Variants in SH3BP4 observed in about 807,000 individuals in gnomAD.
The protein encoded by SH3BP4 is SH3 domain binding protein 4.
SH3BP4 carries 33 observed loss-of-function variants against 65.5 expected under a neutral mutation model. The ratio of observed to expected loss-of-function variants is 0.50; its 90% CI spans 0.38 to 0.67. The LOEUF (loss-of-function observed/expected upper bound fraction) is 0.67. Ranked by LOEUF, SH3BP4 falls within the 30% of genes least tolerant of loss-of-function variation. SH3BP4 has a pLI of 0.00. For synonymous variants in SH3BP4, 552 were observed against 545.5 expected (o/e 1.01, Z -0.17); for missense variants, 1,134 against 1,261.4 (o/e 0.90, Z 1.53).
At chr2:234,984,002 A>G (rs374279255) in intron 1 of SH3BP4, among the ~76,000 whole-genome samples, 112 of 152,342 alleles carry the variant, frequency 7.4e-4, no homozygotes, top group African/African-American at 2.6e-3. Flanking sequence ...AAAGTCACGC[A>G]GGGTTCTGCG....
chr2:235,041,026 A>T lies in SH3BP4; in HGVS notation c.257A>T (p.Asp86Val). The change falls in exon 4 of 6, where the codon GAC becomes GTC. Residue 86 changes from aspartate (D) to valine (V), a missense_variant. Physicochemically the swap from Asp to Val is radical, Grantham distance 152 (BLOSUM62 -3). Transcript: ENST00000392011. The surrounding 1 kb of genome is among the most constrained non-coding windows in gnomAD (Gnocchi z 6.0). ...AAGGGCGACCATCTCTACGTCTTGG[A>T]CACATCTGGCGGTGAGTGGTGGTAC... The part of the protein sequence containing the change: ...FSKGDHLYVL[D>V]TSGGEWWYAH... 1 of 1,614,144 alleles carries T rather than the reference A, an allele frequency of 6.2e-7. No individual in the cohort carries two copies. Among genetic ancestry groups the T allele is most frequent in the Non-Finnish European group, 8.5e-7 (1 of 1,180,030 alleles).
intron 2 of SH3BP4, among the ~76,000 whole-genome samples, chr2:235,025,140 A>C (rs1694959300): frequency 6.6e-6 from 1 of 152,166 alleles, no homozygotes; most frequent in Non-Finnish European, 1.5e-5. Flanking sequence ...GGGGGCTGAC[A>C]GCAGCCCATT....
rs58858657 is a variant in SH3BP4, at chr2:235,038,298, AT to A, written c.119-2588del. Among the ~76,000 whole-genome samples, 183 of 10,622 alleles carry A rather than the reference AT, an allele frequency of 0.017. 11 individuals are homozygous for A. The African/African-American group carries it at 0.2, about 11-fold the overall frequency. The allele number at this position is 10,622 out of a possible 152,430, so 7.0% of individuals were successfully genotyped here. A position where few individuals can be genotyped will look rare whatever the true frequency, so the allele number is the denominator to read the frequency against. On this transcript the variant is annotated intron_variant, in intron 3 of 5. Coordinates refer to ENST00000392011, the MANE Select transcript of SH3BP4 (RefSeq NM_014521.3). ...AATATATATTATATATAATATATAT[AT>A]TATATATATATATTATATATTATAT...
At chr2:235,023,489 G>A (rs1694904999) in intron 2 of SH3BP4, among the ~76,000 whole-genome samples, 1 of 152,172 alleles carries the variant, frequency 6.6e-6, no homozygotes, top group Admixed American at 6.5e-5. Flanking sequence ...GGGGGTTGCA[G>A]TGAGCCGAGA....
chr2:234,991,820 TCTCTC>T lies in SH3BP4; in HGVS notation c.-206-3479_-206-3475del, dbSNP rs1394088667. Among the ~76,000 whole-genome samples, 2 of 152,098 alleles carry T rather than the reference TCTCTC, an allele frequency of 1.3e-5. No individual in the cohort carries two copies. Among genetic ancestry groups the T allele is most frequent in the African/African-American group, 4.8e-5 (2 of 41,446 alleles). On this transcript the variant is annotated intron_variant, in intron 1 of 5. Transcript: ENST00000392011. The surrounding 1 kb of genome is among the most constrained non-coding windows in gnomAD (Gnocchi z 4.2). ...ACCTCCCGGACATGACAAGCCAGAT[TCTCTC>T]CTCCCTCCACTCCAGCACTGAGGGG...
intron 1 of SH3BP4, among the ~76,000 whole-genome samples, chr2:234,980,433 T>A (rs1417894974): frequency 6.6e-6 from 1 of 152,244 alleles, no homozygotes; most frequent in Non-Finnish European, 1.5e-5. Flanking sequence ...GGGACCACAG[T>A]TGGCCAGGGG....
intron 2 of SH3BP4, among the ~76,000 whole-genome samples, chr2:235,013,735 C>T (rs145721118): frequency 9.2e-5 from 14 of 152,254 alleles, no homozygotes; most frequent in African/African-American, 3.4e-4. Context: ...GGTTTGAGCG[C>T]ATTCCTAGTT....
intron 1 of SH3BP4, among the ~76,000 whole-genome samples, chr2:234,966,993 G>A (rs7580612): frequency 0.89 from 134,836 of 152,242 alleles, 60,228 homozygotes; most frequent in Non-Finnish European, 0.93. Flanking sequence ...CACATATATT[G>A]TGCTTATAGT....
chr2:235,016,935 G>A (rs1486290744), intron 2 of SH3BP4, among the ~76,000 whole-genome samples: 1 of 151,856 alleles, frequency 6.6e-6, no homozygotes, highest in Non-Finnish European at 1.5e-5. Flanking sequence ...CACTTCCCTT[G>A]AGAGCAAAAC....
chr2:235,053,185 T>C (rs1034504792), intron 5 of SH3BP4, among the ~76,000 whole-genome samples: 1 of 152,212 alleles, frequency 6.6e-6, no homozygotes, highest in Non-Finnish European at 1.5e-5. Flanking sequence ...TCTCGCATGT[T>C]TGTGGAGGGC....
At chr2:235,024,651 A>G (rs953726625) in intron 2 of SH3BP4, among the ~76,000 whole-genome samples, 1 of 152,088 alleles carries the variant, frequency 6.6e-6, no homozygotes, top group Admixed American at 6.6e-5. Context: ...CTCATCTGTA[A>G]GATGTATGTG....
intron 2 of SH3BP4, among the ~76,000 whole-genome samples, chr2:235,031,032 A>G (rs997536547): frequency 2.6e-5 from 4 of 151,960 alleles, no homozygotes; most frequent in Non-Finnish European, 4.4e-5. Flanking sequence ...CAGTCTGGGG[A>G]TTTACAGAGC....
chr2:235,009,844 T>A (rs1694419283), intron 2 of SH3BP4, among the ~76,000 whole-genome samples: 1 of 152,152 alleles, frequency 6.6e-6, no homozygotes, highest in Non-Finnish European at 1.5e-5. Flanking sequence ...CAGCCTATTT[T>A]GGAGATCCCA....
intron 2 of SH3BP4, among the ~76,000 whole-genome samples, chr2:235,000,757 C>T (rs1415100836): frequency 6.6e-6 from 1 of 152,232 alleles, no homozygotes; most frequent in Non-Finnish European, 1.5e-5. Flanking sequence ...AAAGCAGAGA[C>T]ATAAAGGCCA....
At chr2:234,999,761 C>A (rs1694039950) in intron 2 of SH3BP4, among the ~76,000 whole-genome samples, 1 of 152,142 alleles carries the variant, frequency 6.6e-6, no homozygotes, top group African/African-American at 2.4e-5. Flanking sequence ...TTGGAATGAT[C>A]CAGAAAGAGA....
chr2:234,999,990 G>C (rs1694048151), intron 2 of SH3BP4, among the ~76,000 whole-genome samples: 1 of 152,202 alleles, frequency 6.6e-6, no homozygotes, highest in Non-Finnish European at 1.5e-5. Context: ...AGAAGCAGCT[G>C]GTTGGGCCAG....
rs1362059078 is a variant in SH3BP4, at chr2:235,042,726, G to A, written c.1957G>A (p.Val653Met). ...GTACCCGACTTTCCAGGACCGCCCG[G>A]TGTCCAGCCTCAAGTTTGGTAAGTT... is the stretch of plus-strand genomic sequence containing the variant. ...TKYPTFQDRP[V>M]SSLKFGKLLK... Residue 653 changes from valine (V) to methionine (M), a missense_variant, in exon 4 of 6, where the codon GTG (valine) becomes ATG (methionine). Coordinates refer to ENST00000392011, the MANE Select transcript of SH3BP4 (RefSeq NM_014521.3). This position sits in a 1 kb window ranked among gnomAD's most constrained non-coding sequence, Gnocchi z 7.3. 1.2e-6 allele frequency: 2 copies of A among 1,614,196 alleles called. No homozygotes were observed. Among genetic ancestry groups the A allele is most frequent in the Non-Finnish European group, 1.7e-6 (2 of 1,180,044 alleles).
chr2:235,002,860 A>T (rs901738292), intron 2 of SH3BP4, among the ~76,000 whole-genome samples: 7 of 152,234 alleles, frequency 4.6e-5, no homozygotes, highest in Non-Finnish European at 4.4e-5. Flanking sequence ...AAGGCCACAC[A>T]AGATTCTAGA....
At chr2:235,015,340 G>A (rs915730582) in intron 2 of SH3BP4, among the ~76,000 whole-genome samples, 1 of 152,220 alleles carries the variant, frequency 6.6e-6, no homozygotes, top group African/African-American at 2.4e-5. Flanking sequence ...GCTGGGTCAC[G>A]ATGAACCTCT....
Sources: gnomAD v4.1 joint callset for allele counts (sites outside exome capture counted in the v4.1 genomes callset) on GRCh38, gnomAD v4.1.1 for gene constraint, Gnocchi (gnomAD v3.1) non-coding constraint, MANE v1.5 for transcripts, NCBI Gene and HGNC (gene_info 2026-07-23, HGNC 2026-07-21) for gene names.